FBXL17: variants seen among roughly 807,000 people sequenced by gnomAD.
The protein encoded by FBXL17 is F-box/LRR-repeat protein 17.
In FBXL17, 22 loss-of-function variants were observed where a neutral mutation model predicts 66.2. The ratio of observed to expected loss-of-function variants is 0.33; its 90% CI spans 0.24 to 0.47. The LOEUF (loss-of-function observed/expected upper bound fraction) is 0.47, where lower values mean the gene tolerates loss of function less well. FBXL17 is among the 20% of genes least tolerant of loss of function. The pLI is 1.00. For synonymous variants in FBXL17, 474 were observed against 400.5 expected (o/e 1.18, Z -2.19); for missense variants, 878 against 948.2 (o/e 0.93, Z 0.97).
intron 1 of FBXL17, among the ~76,000 whole-genome samples, chr5:108,368,586 T>C (rs1040252519): frequency 1.3e-5 from 2 of 151,816 alleles, no homozygotes; most frequent in Non-Finnish European, 2.9e-5. Context: ...AAGAAAGCAA[T>C]TATCACAATT....
At chr5:108,181,043 T>A (rs888792) in intron 6 of FBXL17, among the ~76,000 whole-genome samples, 21,062 of 152,196 alleles carry the variant, frequency 0.14, 1,538 homozygotes, top group Admixed American at 0.17. Flanking sequence ...TTTTATTTAA[T>A]TCTTATTAAC....
At chr5:108,379,784 A>G (rs1038114299) in intron 1 of FBXL17, among the ~76,000 whole-genome samples, 1 of 152,254 alleles carries the variant, frequency 6.6e-6, no homozygotes, top group Non-Finnish European at 1.5e-5. Flanking sequence ...TTATGTAACT[A>G]AAGTTTGTCA....
chr5:108,080,535 T>C (rs1340656693), intron 6 of FBXL17, among the ~76,000 whole-genome samples: 1 of 152,244 alleles, frequency 6.6e-6, no homozygotes, highest in African/African-American at 2.4e-5. Context: ...CAAGTATGAG[T>C]GACCAAGGTC....
intron 7 of FBXL17, among the ~76,000 whole-genome samples, chr5:108,014,709 T>C (rs2112748250): frequency 6.6e-6 from 1 of 152,288 alleles, no homozygotes; most frequent in South Asian, 2.1e-4. Context: ...AAATTTTGGG[T>C]GAAAAATCAT....
intron 7 of FBXL17, among the ~76,000 whole-genome samples, chr5:107,903,429 G>C (rs1037014646): frequency 1.3e-5 from 2 of 152,144 alleles, no homozygotes; most frequent in South Asian, 4.1e-4. Flanking sequence ...AAGCCACACG[G>C]AAATGCTGTT....
chr5:108,329,361 A>C (rs1760010715), intron 4 of FBXL17, among the ~76,000 whole-genome samples: 1 of 152,138 alleles, frequency 6.6e-6, no homozygotes. Flanking sequence ...TTCTTTAATA[A>C]AATTCACAGC....
At chr5:107,864,920 G>A (rs1748229136) in intron 8 of FBXL17, among the ~76,000 whole-genome samples, 1 of 151,994 alleles carries the variant, frequency 6.6e-6, no homozygotes, top group African/African-American at 2.4e-5. Flanking sequence ...TTTAACAGAT[G>A]TTCCCCATGC....
chr5:108,001,511 T>C (rs76995423), intron 7 of FBXL17, among the ~76,000 whole-genome samples: 3 of 152,186 alleles, frequency 2.0e-5, no homozygotes, highest in Admixed American at 6.5e-5. Flanking sequence ...TATTTTTTTT[T>C]GTTTTTTGAG....
chr5:107,919,091 C>G (rs1229719366), intron 7 of FBXL17, among the ~76,000 whole-genome samples: 3 of 151,992 alleles, frequency 2.0e-5, no homozygotes, highest in African/African-American at 7.3e-5. Flanking sequence ...GTATCATGTT[C>G]TTTTTAAAGA....
chr5:108,129,903 AT>A (rs1284965947), intron 6 of FBXL17, among the ~76,000 whole-genome samples: 3 of 148,462 alleles, frequency 2.0e-5, no homozygotes, highest in Non-Finnish European at 3.0e-5. Context: ...TAAATAACCC[AT>A]TTTTTAACCA....
chr5:108,290,911 T>C (rs1009440901), intron 4 of FBXL17, among the ~76,000 whole-genome samples: 4 of 152,180 alleles, frequency 2.6e-5, no homozygotes, highest in Non-Finnish European at 4.4e-5. Flanking sequence ...TGCATGTTGA[T>C]ATACATCACA....
At chr5:108,046,041 T>C (rs1431999269) in intron 6 of FBXL17, among the ~76,000 whole-genome samples, 1 of 152,206 alleles carries the variant, frequency 6.6e-6, no homozygotes, top group Non-Finnish European at 1.5e-5. Flanking sequence ...TACCAATTGT[T>C]GAGAGAGGAG....
At chr5:108,195,481 T>A (rs769784408) in intron 5 of FBXL17, among the ~76,000 whole-genome samples, 1 of 152,070 alleles carries the variant, frequency 6.6e-6, no homozygotes, top group African/African-American at 2.4e-5. Context: ...GCAGGAGACA[T>A]GGTCAAAGAG....
At chr5:108,143,242 A>G (rs1751425801) in intron 6 of FBXL17, among the ~76,000 whole-genome samples, 1 of 151,974 alleles carries the variant, frequency 6.6e-6, no homozygotes, top group Non-Finnish European at 1.5e-5. Flanking sequence ...AAAGGAGAAA[A>G]TATAACATTA....
Position 107,881,157 on chromosome 5 carries a change from G to A in FBXL17, c.1845C>T (p.Tyr615=). ...CATCCACAGTCTCTATTGTCATGCT[G>A]TATCGCCCAATGGCTATCAGTGCTG... is the stretch of plus-strand genomic sequence containing the variant. The part of the protein sequence containing the change: ...TDYALIAIGR[Y]SMTIETVDVG... The change falls in exon 8 of 9, where the codon TAC becomes TAT. Residue 615 remains tyrosine, a synonymous_variant. Coordinates refer to ENST00000542267, the MANE Select transcript of FBXL17 (RefSeq NM_001163315.3). The A allele has an allele frequency of 1.9e-6, 3 of 1,610,976 alleles. No homozygotes were observed. The South Asian group carries it at 3.3e-5, about 18-fold the overall frequency.
At chr5:107,917,959 G>A (rs1370891244) in intron 7 of FBXL17, among the ~76,000 whole-genome samples, 1 of 152,210 alleles carries the variant, frequency 6.6e-6, no homozygotes. Context: ...GGCAGACTGA[G>A]AAATAATGGT....
chr5:108,322,015 C>G (rs1759642959), intron 4 of FBXL17, among the ~76,000 whole-genome samples: 1 of 151,818 alleles, frequency 6.6e-6, no homozygotes, highest in Non-Finnish European at 1.5e-5. Flanking sequence ...TCTTGACTGT[C>G]AAAATGGCAA....
intron 5 of FBXL17, among the ~76,000 whole-genome samples, chr5:108,192,479 ATGAT>A (rs1359989106): frequency 1.3e-5 from 2 of 152,196 alleles, no homozygotes; most frequent in Admixed American, 6.5e-5. Flanking sequence ...AAATTAGTCA[ATGAT>A]TGGTATGGCC....
Position 108,015,112 on chromosome 5 carries a change from AAC to A in FBXL17, c.1822+5811_1822+5812del, listed in dbSNP as rs532565003. Among the ~76,000 whole-genome samples, 240 of 152,294 alleles carry A rather than the reference AAC, an allele frequency of 1.6e-3. 2 individuals carry two copies. The highest frequency in any genetic ancestry group is 5.5e-3 in the African/African-American group (229 of 41,580). ...ATCACATTACTAAGAAAAAGAACATAACACCTGCTAAATGTAACAGTAGGAAT... is the reference window on the plus strand; with the variant it reads ...ATCACATTACTAAGAAAAAGAACATAACCTGCTAAATGTAACAGTAGGAAT... On this transcript the variant is annotated intron_variant, in intron 7 of 8. Transcript: ENST00000542267.
Sources: allele counts gnomAD v4.1 joint callset (sites outside exome capture counted in the v4.1 genomes callset), GRCh38; gene constraint gnomAD v4.1.1; transcripts MANE v1.5; gene names NCBI Gene and HGNC (gene_info 2026-07-23, HGNC 2026-07-21).